Variants in NLGN1 observed in about 807,000 individuals in gnomAD.
NLGN1 encodes neuroligin-1.
NLGN1 carries 12 observed loss-of-function variants against 65.5 expected under a neutral mutation model. The observed-to-expected ratio is 0.18, with a 90% CI of 0.12 to 0.30. The LOEUF (loss-of-function observed/expected upper bound fraction) is 0.30. Ranked by LOEUF, NLGN1 falls within the 10% of genes least tolerant of loss-of-function variation. The pLI is 1.00. For synonymous variants in NLGN1, 350 were observed against 359.5 expected, an observed-to-expected ratio of 0.97 and a Z score of 0.30; for missense variants, 750 against 1,007.1, an observed-to-expected ratio of 0.74 and a Z score of 3.46.
chr3:173,741,342 G>T (rs183547774), intron 3 of NLGN1, among the ~76,000 whole-genome samples: 4 of 151,950 alleles, frequency 2.6e-5, no homozygotes, highest in African/African-American at 9.7e-5. Flanking sequence ...TAGACTTAAC[G>T]CCCAGGAAAT....
At chr3:173,767,738 C>T (rs771792183) in intron 3 of NLGN1, among the ~76,000 whole-genome samples, 2 of 151,932 alleles carry the variant, frequency 1.3e-5, no homozygotes, top group Non-Finnish European at 2.9e-5. Context: ...TAGTAAAACA[C>T]ACATTTATTT....
intron 3 of NLGN1, among the ~76,000 whole-genome samples, chr3:173,781,355 C>T (rs1389622141): frequency 6.6e-6 from 1 of 151,996 alleles, no homozygotes; most frequent in Non-Finnish European, 1.5e-5. Context: ...TCAGATTGTT[C>T]TGTAATTTGC....
At chr3:173,948,269 A>G (rs1433263890) in intron 4 of NLGN1, among the ~76,000 whole-genome samples, 1 of 152,234 alleles carries the variant, frequency 6.6e-6, no homozygotes, top group Non-Finnish European at 1.5e-5. Flanking sequence ...TGAGAATTAA[A>G]TGAAATAAGA....
chr3:174,221,923 T>C (rs2152806387), intron 4 of NLGN1, among the ~76,000 whole-genome samples: 1 of 152,140 alleles, frequency 6.6e-6, no homozygotes, highest in East Asian at 1.9e-4. Context: ...TTTGTTTTGT[T>C]TTTCATTTTA....
chr3:174,139,127 C>CA (rs1382469015), intron 4 of NLGN1, among the ~76,000 whole-genome samples: 1 of 151,880 alleles, frequency 6.6e-6, no homozygotes. Flanking sequence ...CTTTATCACT[C>CA]AGAGTCCCTG....
At chr3:173,497,620 G>A (rs1299684181) in intron 2 of NLGN1, among the ~76,000 whole-genome samples, 3 of 151,584 alleles carry the variant, frequency 2.0e-5, no homozygotes, top group African/African-American at 4.9e-5. Flanking sequence ...TAGTGTGTAA[G>A]CTACAAAAAA....
chr3:174,271,299 G>A (rs926008440), intron 4 of NLGN1, among the ~76,000 whole-genome samples: 2 of 64,214 alleles, frequency 3.1e-5, no homozygotes, highest in African/African-American at 2.9e-4. Context: ...TAAACAGTCT[G>A]CATTTTTTTT....
At chr3:173,834,945 C>T (rs1345370203) in intron 4 of NLGN1, among the ~76,000 whole-genome samples, 1 of 152,172 alleles carries the variant, frequency 6.6e-6, no homozygotes, top group Non-Finnish European at 1.5e-5. Context: ...TTCATCACGC[C>T]AGCAACAAAC....
At chr3:173,942,838 C>T (rs1746403148) in intron 4 of NLGN1, among the ~76,000 whole-genome samples, 1 of 152,098 alleles carries the variant, frequency 6.6e-6, no homozygotes, top group Admixed American at 6.6e-5. Flanking sequence ...GGTAAAACTG[C>T]ATTTTCACAT....
chr3:173,574,387 G>T (rs1745178408), intron 2 of NLGN1, among the ~76,000 whole-genome samples: 1 of 151,624 alleles, frequency 6.6e-6, no homozygotes, highest in Admixed American at 6.6e-5. Flanking sequence ...TTCAATTGAG[G>T]ACACAGAGAG....
chr3:174,005,017 A>AT (rs1326091860), intron 4 of NLGN1, among the ~76,000 whole-genome samples: 2 of 152,180 alleles, frequency 1.3e-5, no homozygotes, highest in Admixed American at 6.5e-5. Flanking sequence ...TCTGGGTCAA[A>AT]TCCAGTAATT....
intron 3 of NLGN1, among the ~76,000 whole-genome samples, chr3:173,709,803 CAAAAAA>C (rs59998502): frequency 1.0e-4 from 7 of 69,276 alleles, no homozygotes; most frequent in African/African-American, 1.7e-4. Flanking sequence ...AACTCTATCT[CAAAAAA>C]AAAAAAAAAA....
intron 4 of NLGN1, among the ~76,000 whole-genome samples, chr3:173,852,647 A>G (rs1471115173): frequency 6.6e-6 from 1 of 152,194 alleles, no homozygotes; most frequent in African/African-American, 2.4e-5. Flanking sequence ...TTAATGTTAA[A>G]TTATTTTATA....
intron 3 of NLGN1, among the ~76,000 whole-genome samples, chr3:173,788,414 A>G (rs1711784551): frequency 6.6e-6 from 1 of 152,000 alleles, no homozygotes; most frequent in African/African-American, 2.4e-5. Flanking sequence ...CTATTTTTTT[A>G]GTTTTTAATT....
rs749749824 is a variant in NLGN1, at chr3:173,747,801, CTTTT to C, written c.494-59852_494-59849del. ...AATTTTCTTTCTTCTTCTTCTTGTT[CTTTT>C]TTTTTTTTTTTTTTTTTTTTTTTTT... On this transcript the variant is annotated intron_variant, in intron 3 of 6. Transcript: ENST00000457714. 1.3e-3 allele frequency among the ~76,000 whole-genome samples: 86 copies of C among 64,408 alleles called. 3 individuals are homozygous for C. Among genetic ancestry groups the C allele is most frequent in the African/African-American group, 3.6e-3 (58 of 16,086 alleles). 42.3% of individuals were successfully genotyped at this position (64,408 alleles called of 152,430 possible).
chr3:174,176,228 C>G lies in NLGN1; in HGVS notation c.647-99087C>G, dbSNP rs144175406. ...CATCAATCTTTTACCTTTAGAACAC[C>G]TAATTTAGATCTAATGAAATATATT... On this transcript the variant is annotated intron_variant, in intron 4 of 6. Transcript: ENST00000457714. 6.7e-3 allele frequency among the ~76,000 whole-genome samples: 1,021 copies of G among 151,816 alleles called. 16 individuals carry two copies. The highest frequency in any genetic ancestry group is 0.02 in the African/African-American group (844 of 41,450).
chr3:173,841,862 T>A (rs575813367), intron 4 of NLGN1, among the ~76,000 whole-genome samples: 1 of 152,240 alleles, frequency 6.6e-6, no homozygotes, highest in East Asian at 1.9e-4. Flanking sequence ...TGGGTGACAG[T>A]TCAGAACCTC....
chr3:173,845,667 C>T (rs560124641), intron 4 of NLGN1, among the ~76,000 whole-genome samples: 9 of 150,544 alleles, frequency 6.0e-5, no homozygotes, highest in African/African-American at 2.2e-4. Context: ...CGAATTATTC[C>T]AGGAGTAACT....
intron 3 of NLGN1, among the ~76,000 whole-genome samples, chr3:173,679,828 T>C (rs1763710728): frequency 6.6e-6 from 1 of 152,142 alleles, no homozygotes; most frequent in South Asian, 2.1e-4. Flanking sequence ...CTGTATGTGC[T>C]TATGACTAGA....
Sources: gnomAD v4.1 joint callset for allele counts (sites outside exome capture counted in the v4.1 genomes callset) on GRCh38, gnomAD v4.1.1 for gene constraint, MANE v1.5 for transcripts, NCBI Gene and HGNC (gene_info 2026-07-23, HGNC 2026-07-21) for gene names.